COL4A3: variants seen among roughly 807,000 people sequenced by gnomAD.
COL4A3 encodes the protein collagen alpha-3(IV) chain.
COL4A3 carries 135 observed loss-of-function variants against 217.4 expected under a neutral mutation model. The observed-to-expected ratio is 0.62, with a 90% CI of 0.54 to 0.72. COL4A3 has a LOEUF of 0.72. Ranked by LOEUF, COL4A3 falls within the 30% of genes least tolerant of loss-of-function variation. COL4A3 has a pLI of 0.00. For missense variants in COL4A3, 1,868 were observed against 2,119.9 expected (o/e 0.88, Z 2.33); for synonymous variants, 690 against 736.3 (o/e 0.94, Z 1.02).
intron 16 of COL4A3, 95 bp downstream of exon 16, chr2:227,256,165 C>T: frequency 7.4e-7 from 1 of 1,346,648 alleles, no homozygotes; most frequent in African/African-American, 1.4e-5. Flanking sequence ...TATAAACAAA[C>T]AAAAAGCTTA....
At chr2:227,230,303 G>A (rs2068331955) in intron 1 of COL4A3, among the ~76,000 whole-genome samples, 1 of 152,160 alleles carries the variant, frequency 6.6e-6, no homozygotes, top group Non-Finnish European at 1.5e-5. Flanking sequence ...ATTCAAAAGT[G>A]CTAAAACATC....
Position 227,164,770 on chromosome 2 carries a change from C to A in COL4A3, c.44C>A (p.Pro15Gln). The change falls in exon 1 of 52, where the codon CCG becomes CAG. Residue 15 changes from proline (P) to glutamine (Q), a missense_variant. By Grantham distance (76) the Pro-to-Gln change is moderately conservative (BLOSUM62 -1). This residue lies in a region of COL4A3 where 365 missense variants were observed against 333.8 expected (regional missense o/e 1.09). Coordinates refer to ENST00000396578, the MANE Select transcript of COL4A3 (RefSeq NM_000091.5). The surrounding 1 kb of genome is among the most constrained non-coding windows in gnomAD (Gnocchi z 4.8). Reference protein sequence around the residue: ...TAPRPQVLLLPLLLVLLAAAP... With the variant: ...TAPRPQVLLLQLLLVLLAAAP... ...CCCAGGCCGCAGGTGCTCCTGCTGC[C>A]GCTCCTGCTGGTGCTCCTGGCGGCG... The A allele has an allele frequency of 6.6e-7, 1 of 1,522,660 alleles. No individual in the cohort carries two copies. Among genetic ancestry groups the A allele is most frequent in the African/African-American group, 1.4e-5 (1 of 70,496 alleles). 94.3% of individuals were successfully genotyped at this position (1,522,660 alleles called of 1,614,324 possible).
chr2:227,306,314 A>G (rs1171142431), intron 47 of COL4A3, among the ~76,000 whole-genome samples: 1 of 152,212 alleles, frequency 6.6e-6, no homozygotes, highest in Non-Finnish European at 1.5e-5. Context: ...ATAAACTGAT[A>G]GCCCTGGCCC....
Position 227,303,817 on chromosome 2 carries a change from T to G in COL4A3, c.3956-42T>G, listed in dbSNP as rs745546974. The G allele has an allele frequency of 3.8e-6, 6 of 1,585,276 alleles. No individual in the cohort carries two copies. In the South Asian group the frequency reaches 4.4e-5, roughly 12 times the overall value. ...TCAACCTGAAGAACTAGGAAACCCA[T>G]TGATCTAAGTGGAATCACACTGTGT... On this transcript the variant is annotated intron_variant, in intron 44 of 51. Coordinates refer to ENST00000396578, the MANE Select transcript of COL4A3 (RefSeq NM_000091.5).
intron 18 of COL4A3, among the ~76,000 whole-genome samples, chr2:227,258,030 A>G (rs1262594103): frequency 6.6e-6 from 1 of 152,154 alleles, no homozygotes; most frequent in East Asian, 1.9e-4. Context: ...GGTCAGCAAA[A>G]AGCAATCATT....
intron 1 of COL4A3, among the ~76,000 whole-genome samples, chr2:227,168,692 C>T (rs1394417563): frequency 5.3e-5 from 8 of 150,794 alleles, no homozygotes; most frequent in Admixed American, 1.3e-4. Context: ...ATTTTTTTTT[C>T]CTTTCCTGGG....
intron 41 of COL4A3, 64 bp downstream of exon 41, chr2:227,295,380 G>A: frequency 1.4e-6 from 2 of 1,388,116 alleles, no homozygotes; most frequent in South Asian, 1.2e-5. Context: ...AGTTGAATAT[G>A]CTTGAAATAT....
At chr2:227,185,436 G>C (rs950344220) in intron 1 of COL4A3, among the ~76,000 whole-genome samples, 1 of 152,280 alleles carries the variant, frequency 6.6e-6, no homozygotes, top group Non-Finnish European at 1.5e-5. Flanking sequence ...TTACCTTTTA[G>C]CTGTATGAGA....
At chr2:227,235,772 C>CT (rs201024233) in intron 1 of COL4A3, among the ~76,000 whole-genome samples, 15,013 of 121,760 alleles carry the variant, frequency 0.12, 1,089 homozygotes, top group Middle Eastern at 0.2. Context: ...TATTTCATTC[C>CT]TTTTTTTTTT....
intron 1 of COL4A3, among the ~76,000 whole-genome samples, chr2:227,168,357 G>T (rs2065350433): frequency 6.6e-6 from 1 of 152,174 alleles, no homozygotes. Context: ...AGATGTTAAT[G>T]GTGTGAAATG....
At chr2:227,214,654 C>T (rs77340490) in intron 1 of COL4A3, among the ~76,000 whole-genome samples, 3,416 of 152,288 alleles carry the variant, frequency 0.022, 61 homozygotes, top group African/African-American at 0.046. Flanking sequence ...ACTGGCTTTC[C>T]ATTCTTCAAA....
chr2:227,199,869 G>C (rs546592626), intron 1 of COL4A3, among the ~76,000 whole-genome samples: 1 of 152,216 alleles, frequency 6.6e-6, no homozygotes, highest in Non-Finnish European at 1.5e-5. Context: ...CCGAAGGATG[G>C]ATCGTGCCTC....
At chr2:227,182,706 GA>G (rs1577043779) in intron 1 of COL4A3, among the ~76,000 whole-genome samples, 2 of 152,192 alleles carry the variant, frequency 1.3e-5, no homozygotes, top group Admixed American at 1.3e-4. Flanking sequence ...ATATAATGGG[GA>G]AAAAACAGAT....
At position 227,245,936 on chromosome 2, in the gene COL4A3, G is replaced by T. The variant is rs777117192; in HGVS notation, c.325-18G>T. ...TTCTTGGGATGACCCTCCTCATTGA[G>T]ACTTGTTCTTCTTCCAGGGCACCCC... On this transcript the variant is annotated intron_variant, in intron 5 of 51. Coordinates refer to ENST00000396578, the MANE Select transcript of COL4A3 (RefSeq NM_000091.5). 1.2e-6 allele frequency: 2 copies of T among 1,611,016 alleles called. No individual in the cohort carries two copies. Among genetic ancestry groups the T allele is most frequent in the Admixed American group, 3.3e-5 (2 of 60,002 alleles).
chr2:227,203,045 GTA>G lies in COL4A3; in HGVS notation c.88-34917_88-34916del, dbSNP rs1491431970. On this transcript the variant is annotated intron_variant, in intron 1 of 51. Coordinates refer to ENST00000396578, the MANE Select transcript of COL4A3 (RefSeq NM_000091.5). The stretch of plus-strand genomic sequence containing the variant: ...TATATGTGTATATATACATATATGT[GTA>G]TATATGTGTATATATACATATATGT... Among the ~76,000 whole-genome samples the G allele has an allele frequency of 3.5e-5, 2 of 56,994 alleles. 1 individual carries two copies. The highest frequency in any genetic ancestry group is 6.5e-5 in the Non-Finnish European group (2 of 30,908). 37.4% of individuals were successfully genotyped at this position (56,994 alleles called of 152,430 possible). A position where few individuals can be genotyped will look rare whatever the true frequency, so the allele number is the denominator to read the frequency against.
intron 6 of COL4A3, among the ~76,000 whole-genome samples, 153 bp from the exon 7 acceptor site, chr2:227,246,532 G>C (rs1004166561): frequency 1.3e-5 from 2 of 151,972 alleles, no homozygotes; most frequent in Admixed American, 6.6e-5. Context: ...ATGGTTTTTT[G>C]GTCTTCAGCC....
chr2:227,180,831 T>C, intron 1 of COL4A3, among the ~76,000 whole-genome samples: 1 of 152,250 alleles, frequency 6.6e-6, no homozygotes, highest in Non-Finnish European at 1.5e-5. Flanking sequence ...ATGTTTTTTA[T>C]ACTCATTTAA....
intron 1 of COL4A3, among the ~76,000 whole-genome samples, chr2:227,219,738 T>A (rs186342360): frequency 1.3e-3 from 202 of 152,354 alleles, no homozygotes; most frequent in Non-Finnish European, 2.1e-3. Flanking sequence ...ATTTTTAATC[T>A]TCTTTTCTTG....
intron 1 of COL4A3, among the ~76,000 whole-genome samples, chr2:227,196,009 C>T (rs1008280796): frequency 5.3e-5 from 8 of 152,046 alleles, no homozygotes; most frequent in Non-Finnish European, 8.8e-5. Flanking sequence ...TATTTCTGTA[C>T]AGCTAGCTGT....
Sources: gnomAD v4.1 joint callset for allele counts (sites outside exome capture counted in the v4.1 genomes callset) on GRCh38, gnomAD v4.1.1 for gene constraint, gnomAD v4.1.1 regional missense constraint, Gnocchi (gnomAD v3.1) non-coding constraint, MANE v1.5 for transcripts, NCBI Gene and HGNC (gene_info 2026-07-23, HGNC 2026-07-21) for gene names.